The following ANTXR1 variants were observed in gnomAD, a reference collection of about 807,000 sequenced individuals.
ANTXR1 encodes ANTXR cell adhesion molecule 1.
ANTXR1 carries 19 observed loss-of-function variants against 78.1 expected under a neutral mutation model. The ratio of observed to expected loss-of-function variants is 0.24; its 90% CI spans 0.17 to 0.36. ANTXR1 has a LOEUF of 0.36. Ranked by LOEUF, ANTXR1 falls within the 10% of genes least tolerant of loss-of-function variation. ANTXR1 has a pLI of 1.00. For missense variants in ANTXR1, 518 were observed against 718.6 expected (o/e 0.72, Z 3.19); for synonymous variants, 273 against 260.5 (o/e 1.05, Z -0.46).
chr2:69,090,020 T>C lies in ANTXR1; in HGVS notation c.643-839T>C, dbSNP rs75596257. Among the ~76,000 whole-genome samples the C allele has an allele frequency of 5.5e-3, 845 of 152,302 alleles. 8 individuals carry two copies. Among genetic ancestry groups the C allele is most frequent in the African/African-American group, 0.019 (800 of 41,580 alleles). ...ATTATTAACTCCTGTGAAGTCACAG[T>C]GCTCTGCTGACTCTCCACTCAACCC... On this transcript the variant is annotated intron_variant, in intron 8 of 17. Transcript: ENST00000303714.
At chr2:69,080,211 C>T (rs528182394) in intron 8 of ANTXR1, among the ~76,000 whole-genome samples, 7 of 152,248 alleles carry the variant, frequency 4.6e-5, no homozygotes, top group South Asian at 2.1e-4. Context: ...ACAAGTAGAG[C>T]GAGCTCATCT....
At chr2:69,115,030 CATTTTGGGCTGGATA>C (rs780205642) in intron 10 of ANTXR1, among the ~76,000 whole-genome samples, 158 of 152,284 alleles carry the variant, frequency 1.0e-3, no homozygotes, top group Non-Finnish European at 1.6e-3. Flanking sequence ...ACACTACTGA[CATTTTGGGCTGGATA>C]ATTTATAGCT....
intron 12 of ANTXR1, among the ~76,000 whole-genome samples, chr2:69,126,378 A>T (rs964555870): frequency 6.6e-6 from 1 of 152,208 alleles, no homozygotes; most frequent in South Asian, 2.1e-4. Context: ...CTCAGTCTGT[A>T]GGCCTCAGTA....
intron 12 of ANTXR1, among the ~76,000 whole-genome samples, chr2:69,131,813 G>T (rs1174783017): frequency 6.6e-6 from 1 of 152,096 alleles, no homozygotes; most frequent in African/African-American, 2.4e-5. Flanking sequence ...AGAAAAGGAT[G>T]GCCAGCAATT....
chr2:69,072,546 T>TAGAA (rs1267370257), intron 5 of ANTXR1, among the ~76,000 whole-genome samples: 49 of 152,244 alleles, frequency 3.2e-4, no homozygotes, highest in African/African-American at 1.1e-3. Flanking sequence ...TTTTGCCAAC[T>TAGAA]GCTATAATTC....
Position 69,193,459 on chromosome 2 carries a change from T to TCTCTCACACACA in ANTXR1, c.1434+45_1434+46insTCTCACACACAC, listed in dbSNP as rs57847359. 1.2e-4 allele frequency: 125 copies of TCTCTCACACACA among 1,044,978 alleles called. 1 individual carries two copies. In the East Asian group the frequency reaches 2.9e-3, roughly 25 times the overall value. The allele number at this position is 1,044,978 out of a possible 1,614,324, so 64.7% of individuals were successfully genotyped here. On this transcript the variant is annotated intron_variant, in intron 17 of 17. Transcript: ENST00000303714. ...TTAATGGTGTCTCTCTCTCTCTCTCTCACATACACACACACACACACACAC... is the reference window on the plus strand; with the variant it reads ...TTAATGGTGTCTCTCTCTCTCTCTCTCTCTCACACACACACATACACACACACACACACACAC...
chr2:69,103,112 A>G (rs1671680214), intron 10 of ANTXR1, 172 bp downstream of exon 10: 1 of 736,094 alleles, frequency 1.4e-6, no homozygotes, highest in Non-Finnish European at 2.4e-6. Flanking sequence ...TCCAGTCAGA[A>G]AAGGCACCAC....
intron 5 of ANTXR1, 70 bp from the exon 6 acceptor site, chr2:69,072,952 C>A: frequency 7.2e-7 from 1 of 1,390,276 alleles, no homozygotes; most frequent in Non-Finnish European, 1.0e-6. Context: ...GAGGTTGAAT[C>A]CTGGGACTGA....
intron 1 of ANTXR1, among the ~76,000 whole-genome samples, chr2:69,039,184 T>C (rs1272073903): frequency 6.6e-6 from 1 of 152,146 alleles, no homozygotes; most frequent in Non-Finnish European, 1.5e-5. Context: ...GCATCACAGC[T>C]ACTAAAAAGA....
chr2:69,116,296 C>G (rs1161678925), intron 10 of ANTXR1, among the ~76,000 whole-genome samples: 1 of 152,180 alleles, frequency 6.6e-6, no homozygotes, highest in Admixed American at 6.5e-5. Context: ...GGCAATCAGT[C>G]ATCTCCATTC....
intron 2 of ANTXR1, among the ~76,000 whole-genome samples, chr2:69,043,904 A>G (rs1669680942): frequency 6.6e-6 from 1 of 152,188 alleles, no homozygotes; most frequent in Middle Eastern, 3.2e-3. Context: ...TACAAGGTTC[A>G]GAGCCCGATC....
At chr2:69,045,512 T>G (rs549883547) in intron 3 of ANTXR1, among the ~76,000 whole-genome samples, 2 of 152,074 alleles carry the variant, frequency 1.3e-5, no homozygotes, top group South Asian at 4.1e-4. Context: ...ATGGCCCACA[T>G]GAGAGAAGCA....
At chr2:69,207,732 C>T (rs1024965110) in intron 17 of ANTXR1, among the ~76,000 whole-genome samples, 15 of 152,190 alleles carry the variant, frequency 9.9e-5, no homozygotes, top group African/African-American at 3.6e-4. Flanking sequence ...ACCCCCCACA[C>T]CCCACCCTGT....
At chr2:69,039,993 T>A in intron 1 of ANTXR1, 51 bp from the exon 2 acceptor site, 8 of 1,463,644 alleles carry the variant, frequency 5.5e-6, no homozygotes, top group Non-Finnish European at 7.7e-6. Flanking sequence ...TAATACAAGG[T>A]AAAGACAAGT....
intron 3 of ANTXR1, among the ~76,000 whole-genome samples, chr2:69,059,263 G>A (rs1418475442): frequency 6.6e-6 from 1 of 152,118 alleles, no homozygotes; most frequent in African/African-American, 2.4e-5. Flanking sequence ...GAGAAATCTT[G>A]TGTGAAAGGA....
chr2:69,177,824 A>C (rs996066507), intron 14 of ANTXR1, among the ~76,000 whole-genome samples: 1 of 151,826 alleles, frequency 6.6e-6, no homozygotes, highest in African/African-American at 2.4e-5. Flanking sequence ...GGCCACCCCC[A>C]CCACTCGGGG....
intron 1 of ANTXR1, among the ~76,000 whole-genome samples, chr2:69,018,072 G>C (rs1359953459): frequency 6.6e-6 from 1 of 152,172 alleles, no homozygotes; most frequent in African/African-American, 2.4e-5. Context: ...GTGGGAAAGA[G>C]AGCAGGAGGA....
chr2:69,071,263 G>A (rs999330141), intron 4 of ANTXR1, among the ~76,000 whole-genome samples: 5 of 152,154 alleles, frequency 3.3e-5, no homozygotes, highest in African/African-American at 4.8e-5. Flanking sequence ...ACATCATAGT[G>A]TGTACTTACA....
intron 12 of ANTXR1, 96 bp downstream of exon 12, chr2:69,124,739 G>A: frequency 7.2e-7 from 1 of 1,380,756 alleles, no homozygotes. Flanking sequence ...ACCCTGGAAA[G>A]TTTTTTGGTT....
Sources: gnomAD v4.1 joint callset for allele counts (sites outside exome capture counted in the v4.1 genomes callset) on GRCh38, gnomAD v4.1.1 for gene constraint, MANE v1.5 for transcripts, NCBI Gene and HGNC (gene_info 2026-07-23, HGNC 2026-07-21) for gene names.